The following RAD51B variants were observed in gnomAD, a reference collection of about 807,000 sequenced individuals.
The protein encoded by RAD51B is DNA repair protein RAD51 homolog 2.
RAD51B carries 38 observed loss-of-function variants against 42.2 expected under a neutral mutation model. The observed-to-expected ratio is 0.90, with a 90% CI of 0.70 to 1.18. The LOEUF (loss-of-function observed/expected upper bound fraction) is 1.18. Ranked by LOEUF, RAD51B falls within the 50% of genes most tolerant of loss-of-function variation. The pLI, the probability that RAD51B is intolerant of heterozygous loss-of-function variation, is 0.00. For missense variants in RAD51B, 373 were observed against 400.7 expected, an observed-to-expected ratio of 0.93 and a Z score of 0.59; for synonymous variants, 154 against 145.2, an observed-to-expected ratio of 1.06 and a Z score of -0.43.
At chr14:68,638,250 G>A (rs141697108) in intron 10 of RAD51B, among the ~76,000 whole-genome samples, 68 of 152,286 alleles carry the variant, frequency 4.5e-4, no homozygotes, top group African/African-American at 1.6e-3. Context: ...TGGAGGAGGC[G>A]AATGAGCTTC....
At chr14:68,265,047 T>C (rs1174923963) in intron 7 of RAD51B, among the ~76,000 whole-genome samples, 1 of 152,218 alleles carries the variant, frequency 6.6e-6, no homozygotes, top group Non-Finnish European at 1.5e-5. Flanking sequence ...TGTCTTGGAA[T>C]GAGTAGGATA....
At chr14:68,076,570 A>G (rs551922143) in intron 7 of RAD51B, among the ~76,000 whole-genome samples, 28 of 152,334 alleles carry the variant, frequency 1.8e-4, no homozygotes, top group African/African-American at 6.5e-4. Flanking sequence ...TATCTAAAAA[A>G]GGACCAAGAA....
intron 7 of RAD51B, among the ~76,000 whole-genome samples, chr14:68,086,329 C>T (rs2076984412): frequency 2.0e-5 from 3 of 152,064 alleles, no homozygotes; most frequent in African/African-American, 7.2e-5. Context: ...TTCCTCGGCT[C>T]GTGTGCTCCT....
intron 7 of RAD51B, chr14:68,236,353 C>A (rs1420099681): frequency 6.6e-6 from 1 of 152,162 alleles, no homozygotes; most frequent in East Asian, 1.9e-4. Context: ...CCAAACTGGG[C>A]AAGTTCAACC....
intron 10 of RAD51B, among the ~76,000 whole-genome samples, chr14:68,506,989 A>C (rs531512774): frequency 5.7e-4 from 87 of 152,302 alleles, no homozygotes; most frequent in Non-Finnish European, 1.1e-3. Flanking sequence ...ACTAGTTACC[A>C]GCCCTTGTTT....
chr14:68,327,056 A>G (rs1382765109), intron 8 of RAD51B, among the ~76,000 whole-genome samples: 4 of 152,228 alleles, frequency 2.6e-5, no homozygotes, highest in Non-Finnish European at 1.5e-5. Context: ...GTCCCAGGGC[A>G]GAGAGCAGGT....
chr14:67,897,949 G>A (rs2043479093), intron 7 of RAD51B, among the ~76,000 whole-genome samples: 1 of 152,122 alleles, frequency 6.6e-6, no homozygotes, highest in Admixed American at 6.5e-5. Flanking sequence ...ACCATGCCTG[G>A]TCCCTTGTTC....
rs558738285 is a variant in RAD51B, at chr14:68,175,257, A to T, written c.757-116627A>T. On this transcript the variant is annotated intron_variant, in intron 7 of 10. Coordinates refer to ENST00000471583, the MANE Select transcript of RAD51B (RefSeq NM_133510.4). ...ATCATGGTGCATTTACTGGCCTTAA[A>T]GAAAGTTGGTATGTTTATAAAAGAA... 3.9e-5 allele frequency among the ~76,000 whole-genome samples: 6 copies of T among 152,316 alleles called. No individual in the cohort carries two copies. In the South Asian group the frequency reaches 1.0e-3, roughly 26 times the overall value.
chr14:68,661,600 G>A (rs373825340), intron 11 of RAD51B, among the ~76,000 whole-genome samples: 2 of 152,200 alleles, frequency 1.3e-5, no homozygotes, highest in Non-Finnish European at 2.9e-5. Flanking sequence ...AACTATGAGC[G>A]GATGCACTCC....
chr14:68,493,213 C>A (rs1356678581), intron 10 of RAD51B, among the ~76,000 whole-genome samples: 1 of 152,200 alleles, frequency 6.6e-6, no homozygotes, highest in Non-Finnish European at 1.5e-5. Flanking sequence ...AGCTGCAGTT[C>A]ATCTTGAATC....
intron 3 of RAD51B, among the ~76,000 whole-genome samples, chr14:67,826,113 A>AT (rs977804139): frequency 1.2e-4 from 18 of 151,406 alleles, no homozygotes; most frequent in African/African-American, 2.9e-4. Context: ...GAAAGTTTTT[A>AT]TTTTTTTTTC....
chr14:68,606,393 G>A (rs541109293), intron 10 of RAD51B, among the ~76,000 whole-genome samples: 1 of 152,326 alleles, frequency 6.6e-6, no homozygotes, highest in African/African-American at 2.4e-5. Flanking sequence ...ACAGATGGCA[G>A]CAAGCACCAC....
chr14:68,554,544 T>C (rs1314765394), intron 10 of RAD51B, among the ~76,000 whole-genome samples: 1 of 152,210 alleles, frequency 6.6e-6, no homozygotes, highest in Non-Finnish European at 1.5e-5. Context: ...CAGTGGTGCC[T>C]TCCCTGGCTC....
At chr14:68,328,726 G>A (rs2082292218) in intron 8 of RAD51B, among the ~76,000 whole-genome samples, 1 of 152,218 alleles carries the variant, frequency 6.6e-6, no homozygotes, top group Non-Finnish European at 1.5e-5. Context: ...CCGAAGCTGA[G>A]CATGTGAGAA....
chr14:68,241,604 C>G (rs1170062666), intron 7 of RAD51B, among the ~76,000 whole-genome samples: 2 of 152,112 alleles, frequency 1.3e-5, no homozygotes, highest in Non-Finnish European at 2.9e-5. Flanking sequence ...TTCGCTTCAT[C>G]ATTTTGGCTA....
At chr14:68,542,896 A>T (rs1888042040) in intron 10 of RAD51B, among the ~76,000 whole-genome samples, 1 of 152,182 alleles carries the variant, frequency 6.6e-6, no homozygotes, top group Non-Finnish European at 1.5e-5. Context: ...TCCCTGTCTT[A>T]TACCAAGGAG....
At chr14:67,903,244 A>T (rs1401138974) in intron 7 of RAD51B, among the ~76,000 whole-genome samples, 1 of 152,166 alleles carries the variant, frequency 6.6e-6, no homozygotes, top group African/African-American at 2.4e-5. Flanking sequence ...TATTTGTACC[A>T]GCATTTTCCC....
downstream of RAD51B, among the ~76,000 whole-genome samples, chr14:68,478,360 C>T (rs1882888492): frequency 6.6e-6 from 1 of 152,022 alleles, no homozygotes; most frequent in South Asian, 2.1e-4. Context: ...TGTGTATAGC[C>T]CTGCAGAACA....
intron 7 of RAD51B, among the ~76,000 whole-genome samples, chr14:68,176,879 T>C (rs1316634052): frequency 6.6e-6 from 1 of 152,134 alleles, no homozygotes; most frequent in Non-Finnish European, 1.5e-5. Context: ...AGCAAGAGTA[T>C]GTATTTCATG....
Sources: gnomAD v4.1 joint callset for allele counts (sites outside exome capture counted in the v4.1 genomes callset) on GRCh38, gnomAD v4.1.1 for gene constraint, MANE v1.5 for transcripts, NCBI Gene and HGNC (gene_info 2026-07-23, HGNC 2026-07-21) for gene names.